Variants in HDGFL2 observed in about 807,000 individuals in gnomAD.
HDGFL2 encodes HDGF like 2, also known as hepatoma-derived growth factor-related protein 2.
Under a neutral mutation model 77.1 loss-of-function variants are expected in HDGFL2, and 36 were observed. The observed-to-expected ratio is 0.47, with a 90% CI of 0.36 to 0.62. The LOEUF (loss-of-function observed/expected upper bound fraction) is 0.62. Ranked by LOEUF, HDGFL2 falls within the 20% of genes least tolerant of loss-of-function variation. The probability of loss-of-function intolerance (pLI) is 0.00; values close to 1 mark genes in which losing one functional copy is unlikely to be tolerated. For missense variants in HDGFL2, 976 were observed against 973.4 expected, an observed-to-expected ratio of 1.00 and a Z score of -0.04; for synonymous variants, 463 against 413.1, an observed-to-expected ratio of 1.12 and a Z score of -1.46.
At chr19:4,486,430 CAGG>C (rs1474046135) in intron 3 of HDGFL2, 9 of 151,054 alleles carry the variant, frequency 6.0e-5, no homozygotes, top group African/African-American at 2.2e-4. Context: ...GGGGCTGAGG[CAGG>C]AGAATTGCTT....
At chr19:4,479,450 T>G (rs117906577) in intron 3 of HDGFL2, among the ~76,000 whole-genome samples, 3,812 of 150,630 alleles carry the variant, frequency 0.025, 88 homozygotes, top group Non-Finnish European at 0.039. Flanking sequence ...TAGCCGGGCG[T>G]GGCACCTGTA....
chr19:4,486,052 C>CAAAAA (rs548919228), intron 3 of HDGFL2, among the ~76,000 whole-genome samples: 1 of 74,954 alleles, frequency 1.3e-5, no homozygotes, highest in African/African-American at 4.7e-5. Flanking sequence ...GACCCCGTCT[C>CAAAAA]AAAAAAAAAA....
At position 4,488,725 on chromosome 19, in the gene HDGFL2, G is replaced by T. The variant is rs994373802; in HGVS notation, c.338G>T (p.Gly113Val). 8.4e-6 allele frequency: 13 copies of T among 1,553,828 alleles called. No individual in the cohort carries two copies. The African/African-American group carries it at 1.6e-4, about 20-fold the overall frequency. The change falls in exon 4 of 16, where the codon GGC (glycine) becomes GTC (valine). Residue 113 changes from glycine (G) to valine (V), a missense_variant. This residue lies in a region of HDGFL2 where 103 missense variants were observed against 145.7 expected (regional missense o/e 0.71). Transcript: ENST00000616600. ...GCCCCCGAGGCCAACCCCGCCGACGGCAGTGACGCTGACGAGGACGATGAG... is the reference window on the plus strand; with the variant it reads ...GCCCCCGAGGCCAACCCCGCCGACGTCAGTGACGCTGACGAGGACGATGAG... The part of the protein sequence containing the change: ...SEAPEANPAD[G>V]SDADEDDEDR...
chr19:4,498,167 C>A, intron 11 of HDGFL2, 136 bp downstream of exon 11: 1 of 1,130,276 alleles, frequency 8.8e-7, no homozygotes, highest in Non-Finnish European at 1.3e-6. Context: ...GCCGGCGGTG[C>A]CTCCAGGGGT....
At chr19:4,488,215 C>T (rs1045877269) in intron 3 of HDGFL2, among the ~76,000 whole-genome samples, 6 of 152,264 alleles carry the variant, frequency 3.9e-5, no homozygotes, top group African/African-American at 1.2e-4. Flanking sequence ...AGGTGATCTG[C>T]CTGCTGCAGC....
chr19:4,475,080 C>T (rs1270236014), intron 1 of HDGFL2, 195 bp from the exon 2 acceptor site: 6 of 592,034 alleles, frequency 1.0e-5, no homozygotes, highest in Non-Finnish European at 1.8e-5. Flanking sequence ...AGGGGGAGAG[C>T]TCTCTGGGTG....
chr19:4,488,080 C>T (rs1975408211), intron 3 of HDGFL2, among the ~76,000 whole-genome samples: 1 of 152,006 alleles, frequency 6.6e-6, no homozygotes, highest in Non-Finnish European at 1.5e-5. Context: ...AAGTGATTCT[C>T]CTGCCTCGGC....
intron 4 of HDGFL2, 84 bp from the exon 5 acceptor site, chr19:4,491,482 G>A (rs552038449): frequency 4.7e-5 from 55 of 1,175,628 alleles, no homozygotes; most frequent in South Asian, 1.9e-4. Context: ...CTCAGCTGTC[G>A]TGGGTGGTGG....
chr19:4,493,745 G>T lies in HDGFL2; in HGVS notation c.721G>T (p.Asp241Tyr). The T allele has an allele frequency of 6.5e-7, 1 of 1,527,976 alleles. No homozygotes were observed. The highest frequency in any genetic ancestry group is 1.2e-5 in the South Asian group (1 of 82,018). 94.7% of individuals were successfully genotyped at this position (1,527,976 alleles called of 1,614,324 possible). A position where few individuals can be genotyped will look rare whatever the true frequency, so the allele number is the denominator to read the frequency against. The part of the protein sequence containing the change: ...ASDSDSKADS[D>Y]GAKPEPVAMA... ...CGACTCCGACTCCAAGGCCGATTCGGACGGGGCCAAGCCTGAGCCGGTGGC... is the reference window on the plus strand; with the variant it reads ...CGACTCCGACTCCAAGGCCGATTCGTACGGGGCCAAGCCTGAGCCGGTGGC... Residue 241 changes from aspartate (D) to tyrosine (Y), a missense_variant, in exon 7 of 16, where the codon GAC (aspartate) becomes TAC (tyrosine). Around this residue, in one of 5 missense-constraint regions of HDGFL2, gnomAD observed 567 missense variants for 534.7 expected, o/e 1.06. Coordinates refer to ENST00000616600, the MANE Select transcript of HDGFL2 (RefSeq NM_001001520.3).
intron 12 of HDGFL2, 71 bp from the exon 13 acceptor site, chr19:4,498,743 C>T (rs899842658): frequency 1.0e-6 from 1 of 993,202 alleles, no homozygotes; most frequent in African/African-American, 1.6e-5. Context: ...CTTCCTCCAC[C>T]CATCGGGGCC....
chr19:4,501,862 G>T lies in HDGFL2; in HGVS notation c.1917-49G>T, dbSNP rs1007084919. 7 of 1,348,498 alleles carry T rather than the reference G, an allele frequency of 5.2e-6. No homozygotes were observed. The South Asian group carries it at 1.1e-4, about 22-fold the overall frequency. 83.5% of individuals were successfully genotyped at this position (1,348,498 alleles called of 1,614,324 possible). The stretch of plus-strand genomic sequence containing the variant: ...ATCCCACCCAACCGCCCTACAGGCA[G>T]GGCAGGGGCGGGAGGGCATCCTCAC... On this transcript the variant is annotated intron_variant, in intron 15 of 15. Coordinates refer to ENST00000616600, the MANE Select transcript of HDGFL2 (RefSeq NM_001001520.3).
rs370846153 is a variant in HDGFL2, at chr19:4,488,799, G to A, written c.412G>A (p.Asp138Asn). The A allele has an allele frequency of 5.9e-5, 91 of 1,551,780 alleles. No homozygotes were observed. The highest frequency in any genetic ancestry group is 7.6e-5 in the Non-Finnish European group (87 of 1,147,186). Reference protein sequence around the residue: ...VTAVTATAASDRMESDSDSDK... With the variant: ...VTAVTATAASNRMESDSDSDK... ...AGCGGTAACCGCCACAGCTGCCAGC[G>A]ACAGGATGGAGAGCGACTCAGACTC... Residue 138 changes from aspartate to asparagine, a missense_variant, in exon 4 of 16, where the codon GAC becomes AAC. Physicochemically the swap from Asp to Asn is conservative, Grantham distance 23. Coordinates refer to ENST00000616600, the MANE Select transcript of HDGFL2 (RefSeq NM_001001520.3).
At chr19:4,486,353 G>A (rs1487815148) in intron 3 of HDGFL2, 2 of 151,956 alleles carry the variant, frequency 1.3e-5, no homozygotes, top group Admixed American at 1.3e-4. Flanking sequence ...CACATAGCAG[G>A]TGTGTCATGA....
intron 3 of HDGFL2, among the ~76,000 whole-genome samples, chr19:4,482,015 C>A (rs1975231183): frequency 7.1e-6 from 1 of 140,468 alleles, no homozygotes; most frequent in Admixed American, 7.2e-5. Flanking sequence ...TGGAAGTTGG[C>A]TGGCTTTGGC....
chr19:4,489,296 C>T (rs1299354605), intron 4 of HDGFL2, among the ~76,000 whole-genome samples: 2 of 150,790 alleles, frequency 1.3e-5, no homozygotes, highest in Admixed American at 6.6e-5. Context: ...CTCTGTCACC[C>T]AGGCGGGAGT....
At chr19:4,481,554 C>G (rs989304264) in intron 3 of HDGFL2, among the ~76,000 whole-genome samples, 8 of 151,760 alleles carry the variant, frequency 5.3e-5, no homozygotes, top group Admixed American at 3.9e-4. Context: ...TCTCGATCTC[C>G]TGACCTTGTG....
At position 4,493,623 on chromosome 19, in the gene HDGFL2, G is replaced by A. The variant is rs967905381; in HGVS notation, c.679-80G>A. ...CAGAGCCTGGCGGCTGCAGGGGTGC[G>A]GGAGCCTCCTCTGGCCTGGTGCGCC... On this transcript the variant is annotated intron_variant, in intron 6 of 15. Coordinates refer to ENST00000616600, the MANE Select transcript of HDGFL2 (RefSeq NM_001001520.3). 79 of 1,318,946 alleles carry A rather than the reference G, an allele frequency of 6.0e-5. No homozygotes were observed. The East Asian group carries it at 1.3e-3, about 21-fold the overall frequency. The allele number at this position is 1,318,946 out of a possible 1,614,324, so 81.7% of individuals were successfully genotyped here.
intron 7 of HDGFL2, 31 bp downstream of exon 7, chr19:4,493,893 C>A: frequency 1.3e-6 from 2 of 1,510,766 alleles, no homozygotes; most frequent in Non-Finnish European, 1.8e-6. Context: ...CATCTCTTGG[C>A]CTGGCCCCTG....
Position 4,488,813 on chromosome 19 carries a change from C to T in HDGFL2, c.426C>T (p.Ser142=), listed in dbSNP as rs1473920068. Residue 142 remains serine, a synonymous_variant, in exon 4 of 16, where the codon AGC becomes AGT. Coordinates refer to ENST00000616600, the MANE Select transcript of HDGFL2 (RefSeq NM_001001520.3). ...CAGCTGCCAGCGACAGGATGGAGAG[C>T]GACTCAGACTCAGACAAGAGTAGCG... The part of the protein sequence containing the change: ...TATAASDRME[S]DSDSDKSSDN... 3 of 1,551,720 alleles carry T rather than the reference C, an allele frequency of 1.9e-6. No individual in the cohort carries two copies. Among genetic ancestry groups the T allele is most frequent in the South Asian group, 1.2e-5 (1 of 84,060 alleles).
Sources: allele counts gnomAD v4.1 joint callset (sites outside exome capture counted in the v4.1 genomes callset), GRCh38; gene constraint gnomAD v4.1.1; regional missense constraint gnomAD v4.1.1; transcripts MANE v1.5; gene names NCBI Gene and HGNC (gene_info 2026-07-23, HGNC 2026-07-21).